Variants in PCDHGB6 observed in about 807,000 individuals in gnomAD.
The protein encoded by PCDHGB6 is protocadherin gamma subfamily B, 6.
PCDHGB6 carries 51 observed loss-of-function variants against 59.1 expected under a neutral mutation model. That is an observed-to-expected ratio of 0.86 (90% confidence interval 0.69 to 1.09). PCDHGB6 has a LOEUF of 1.09. PCDHGB6 is among the 50% of genes least tolerant of loss of function. PCDHGB6 has a pLI of 0.00. For synonymous variants in PCDHGB6, 466 were observed against 495.1 expected (o/e 0.94, Z 0.78); for missense variants, 1,148 against 1,205.1 (o/e 0.95, Z 0.70).
In PCDHGB6 at chr5:141,489,750, C is replaced by A. The variant is rs753217170; in HGVS notation, c.2419-5057C>A. 1 of 1,614,098 alleles carries A rather than the reference C, an allele frequency of 6.2e-7. No individual in the cohort carries two copies. The highest frequency in any genetic ancestry group is 1.1e-5 in the South Asian group (1 of 91,080). Reference sequence around the variant, plus strand: ...TGGGCACCAATACTGTGAGCTTTTACACTCTAAGCCCCAACAGCCACTTCT... The same window carrying A: ...TGGGCACCAATACTGTGAGCTTTTAAACTCTAAGCCCCAACAGCCACTTCT... On this transcript the variant is annotated intron_variant, in intron 1 of 3. Coordinates refer to ENST00000520790, the MANE Select transcript of PCDHGB6 (RefSeq NM_018926.3). This position sits in a 1 kb window ranked among gnomAD's most constrained non-coding sequence, Gnocchi z 4.5.
At position 141,485,651 on chromosome 5, in the gene PCDHGB6, G is replaced by A. The variant is rs752827268; in HGVS notation, c.2419-9156G>A. The A allele has an allele frequency of 6.8e-6, 11 of 1,612,228 alleles. No individual in the cohort carries two copies. The Admixed American group carries it at 1.3e-4, about 20-fold the overall frequency. ...TTTCCCGTTGGAAAAGGCTCAGGATGCAGATGTGGGGAGCAATTCGATTAG... is the reference window on the plus strand; with the variant it reads ...TTTCCCGTTGGAAAAGGCTCAGGATACAGATGTGGGGAGCAATTCGATTAG... On this transcript the variant is annotated intron_variant, in intron 1 of 3. Transcript: ENST00000520790. This position sits in a 1 kb window ranked among gnomAD's most constrained non-coding sequence, Gnocchi z 5.7.
chr5:141,419,248 AAAC>A (rs1229992972), intron 1 of PCDHGB6: 1 of 1,613,980 alleles, frequency 6.2e-7, no homozygotes, highest in Admixed American at 1.7e-5. Context: ...ACGTGCCAGA[AAAC>A]AACCAGCCGG....
chr5:141,481,312 T>C (rs953898526), intron 1 of PCDHGB6, among the ~76,000 whole-genome samples: 1 of 152,200 alleles, frequency 6.6e-6, no homozygotes, highest in Non-Finnish European at 1.5e-5. Flanking sequence ...AAAACCTTCC[T>C]AAAGCACTAG....
At chr5:141,430,575 A>G in intron 1 of PCDHGB6, 2 of 455,822 alleles carry the variant, frequency 4.4e-6, no homozygotes, top group East Asian at 3.5e-5. Flanking sequence ...AAAAGCGGAG[A>G]TCCTGCTCGC....
intron 1 of PCDHGB6, chr5:141,468,662 C>G (rs1381049343): frequency 6.6e-6 from 1 of 150,534 alleles, no homozygotes; most frequent in East Asian, 2.0e-4. Context: ...GTCAGGAGAT[C>G]AAGACCATCC....
chr5:141,423,474 T>C, intron 1 of PCDHGB6: 1 of 1,614,004 alleles, frequency 6.2e-7, no homozygotes, highest in Non-Finnish European at 8.5e-7. Flanking sequence ...GGGTACAGGC[T>C]TTCCTGCAAA....
intron 1 of PCDHGB6, chr5:141,419,137 C>CAGGG: frequency 6.2e-7 from 1 of 1,613,892 alleles, no homozygotes; most frequent in Non-Finnish European, 8.5e-7. Context: ...CAGCCACAGA[C>CAGGG]AGGGGCAAGC....
chr5:141,453,387 G>A (rs1313174494), intron 1 of PCDHGB6, among the ~76,000 whole-genome samples: 1 of 151,936 alleles, frequency 6.6e-6, no homozygotes, highest in Non-Finnish European at 1.5e-5. Flanking sequence ...TCCTGCCTTA[G>A]CCTCCAAGTG....
rs528069305 is a variant in PCDHGB6, at chr5:141,457,143, T to A, written c.2419-37664T>A. Among the ~76,000 whole-genome samples the A allele has an allele frequency of 5.3e-5, 8 of 152,334 alleles. No homozygotes were observed. In the South Asian group the frequency reaches 1.5e-3, roughly 28 times the overall value. On this transcript the variant is annotated intron_variant, in intron 1 of 3. Transcript: ENST00000520790. ...ATGGAAACTCTGTCCAATATTTCAG[T>A]TAGAAGGTGCTACCATGGATAACCC...
chr5:141,504,434 A>C (rs2099838201), intron 2 of PCDHGB6, among the ~76,000 whole-genome samples: 1 of 152,234 alleles, frequency 6.6e-6, no homozygotes, highest in South Asian at 2.1e-4. Flanking sequence ...CAACAGCTGC[A>C]GTGTGACTAG....
In PCDHGB6 at chr5:141,490,959, C is replaced by T. The variant is rs1385897960; in HGVS notation, c.2419-3848C>T. ...TGCACCCACGGCCAGACTGGGAACA[C>T]TCAGCCCCCCAGCGTCTCCCTCGCT... On this transcript the variant is annotated intron_variant, in intron 1 of 3. Transcript: ENST00000520790. The surrounding 1 kb of genome is among the most constrained non-coding windows in gnomAD (Gnocchi z 5.4). 6.2e-7 allele frequency: 1 copy of T among 1,613,844 alleles called. No individual in the cohort carries two copies. Among genetic ancestry groups the T allele is most frequent in the South Asian group, 1.1e-5 (1 of 91,038 alleles).
At chr5:141,494,250 G>C (rs908660385) in intron 1 of PCDHGB6, among the ~76,000 whole-genome samples, 3 of 152,182 alleles carry the variant, frequency 2.0e-5, no homozygotes, top group African/African-American at 7.2e-5. Flanking sequence ...TTTAGCTGTG[G>C]GAAGAGATTC....
chr5:141,410,945 C>A, intron 1 of PCDHGB6: 1 of 192,458 alleles, frequency 5.2e-6, no homozygotes, highest in Non-Finnish European at 1.0e-5. Context: ...CCTCCGCCTT[C>A]TGGGTTCAAG....
intron 1 of PCDHGB6, chr5:141,412,667 AC>A (rs1385712050): frequency 6.6e-6 from 1 of 152,284 alleles, no homozygotes; most frequent in Non-Finnish European, 1.5e-5. Flanking sequence ...CACTAATATG[AC>A]CTAAAATAAG....
At chr5:141,506,306 G>A (rs539365378) in intron 3 of PCDHGB6, among the ~76,000 whole-genome samples, 4 of 152,040 alleles carry the variant, frequency 2.6e-5, no homozygotes, top group Non-Finnish European at 5.9e-5. Flanking sequence ...AAAATTAGCT[G>A]GGCATGGTGG....
At chr5:141,410,849 CT>C (rs759346998) in intron 1 of PCDHGB6, 9,989 of 137,410 alleles carry the variant, frequency 0.073, 1 homozygote, top group South Asian at 0.15. Context: ...TTGTCTTTGT[CT>C]TTTTTTTTTT....
At chr5:141,420,050 C>T in intron 1 of PCDHGB6, 1 of 1,614,076 alleles carries the variant, frequency 6.2e-7, no homozygotes, top group Non-Finnish European at 8.5e-7. Flanking sequence ...TGAGTCAGTT[C>T]TCTGCTCCAA....
chr5:141,424,026 C>G, intron 1 of PCDHGB6: 1 of 1,041,918 alleles, frequency 9.6e-7, no homozygotes, highest in Non-Finnish European at 1.2e-6. Context: ...TTCACAAACA[C>G]TTTTTATTTC....
In PCDHGB6 at chr5:141,410,323, G is replaced by T. The variant is rs1415994094; in HGVS notation, c.2121G>T (p.Val707=). 3.7e-6 allele frequency: 6 copies of T among 1,613,884 alleles called. No homozygotes were observed. The South Asian group carries it at 5.5e-5, about 15-fold the overall frequency. ...TCTCAGTGCTCTTCCTCCTCGCCGT[G>T]ATTCTGGCCATTGCCTTGCGCCTGC... is the stretch of plus-strand genomic sequence containing the variant. ...ALISVLFLLA[V]ILAIALRLRR... is the part of the protein sequence containing the mutation. The change falls in exon 1 of 4, where the codon GTG becomes GTT. Residue 707 remains valine (V), a synonymous_variant. Transcript: ENST00000520790.
Sources: allele counts gnomAD v4.1 joint callset (sites outside exome capture counted in the v4.1 genomes callset), GRCh38; gene constraint gnomAD v4.1.1; non-coding constraint Gnocchi (gnomAD v3.1); transcripts MANE v1.5; gene names NCBI Gene and HGNC (gene_info 2026-07-23, HGNC 2026-07-21).